MRTFA: variants seen among roughly 807,000 people sequenced by gnomAD.
The protein encoded by MRTFA is myocardin-related transcription factor A.
MRTFA carries 20 observed loss-of-function variants against 83.5 expected under a neutral mutation model. The observed-to-expected ratio is 0.24, with a 90% confidence interval of 0.17 to 0.35. The LOEUF is 0.35. MRTFA is among the 10% of genes least tolerant of loss of function. The probability of loss-of-function intolerance (pLI) is 1.00; values close to 1 mark genes in which losing one functional copy is unlikely to be tolerated. For synonymous variants in MRTFA, 659 were observed against 541.2 expected, an observed-to-expected ratio of 1.22 and a Z score of -3.02; for missense variants, 1,200 against 1,224.7, an observed-to-expected ratio of 0.98 and a Z score of 0.30.
intron 4 of MRTFA, among the ~76,000 whole-genome samples, chr22:40,455,422 G>A (rs1342050547): frequency 2.0e-5 from 3 of 151,778 alleles, no homozygotes; most frequent in Admixed American, 6.6e-5. Flanking sequence ...TGAGGCGGGC[G>A]GATCACGAGG....
intron 7 of MRTFA, 112 bp from the exon 8 acceptor site, chr22:40,424,493 C>G: frequency 8.6e-7 from 1 of 1,160,380 alleles, no homozygotes; most frequent in Non-Finnish European, 1.2e-6. Flanking sequence ...GCCCACATGC[C>G]CCGTGAGGCA....
chr22:40,635,892 T>C (rs542405796), intron 1 of MRTFA, among the ~76,000 whole-genome samples: 4 of 152,156 alleles, frequency 2.6e-5, no homozygotes, highest in Middle Eastern at 3.2e-3. Flanking sequence ...CTAGGCACTA[T>C]GGAGTATCAA....
chr22:40,450,394 C>A (rs1320140322), intron 4 of MRTFA, among the ~76,000 whole-genome samples: 3 of 152,086 alleles, frequency 2.0e-5, no homozygotes, highest in Non-Finnish European at 4.4e-5. Flanking sequence ...ACCACCTGAT[C>A]TCACCAACTA....
chr22:40,514,120 A>G (rs2054715745), intron 3 of MRTFA, among the ~76,000 whole-genome samples: 1 of 151,844 alleles, frequency 6.6e-6, no homozygotes, highest in Non-Finnish European at 1.5e-5. Flanking sequence ...TTAGCCAGAC[A>G]TGGTGGCATG....
chr22:40,619,904 A>G (rs973685134), intron 1 of MRTFA, among the ~76,000 whole-genome samples: 6 of 151,654 alleles, frequency 4.0e-5, no homozygotes, highest in East Asian at 1.9e-4. Context: ...AAAAAAAAAA[A>G]AAAAAGAAAT....
At chr22:40,601,195 T>C (rs1270187394) in intron 1 of MRTFA, among the ~76,000 whole-genome samples, 1 of 152,182 alleles carries the variant, frequency 6.6e-6, no homozygotes, top group Non-Finnish European at 1.5e-5. Flanking sequence ...AAACCCACTT[T>C]ACAATTTTTA....
intron 3 of MRTFA, among the ~76,000 whole-genome samples, chr22:40,484,339 G>A (rs553802731): frequency 7.9e-5 from 12 of 152,196 alleles, no homozygotes; most frequent in African/African-American, 2.4e-4. Context: ...GTGTCTGAGC[G>A]TAAAAGCTAC....
At chr22:40,563,104 C>G (rs1400614263) in intron 2 of MRTFA, among the ~76,000 whole-genome samples, 1 of 152,162 alleles carries the variant, frequency 6.6e-6, no homozygotes, top group Non-Finnish European at 1.5e-5. Context: ...TACAACAGTA[C>G]CGGCCCCTTC....
At chr22:40,624,345 G>A (rs1443098316) in intron 1 of MRTFA, among the ~76,000 whole-genome samples, 1 of 146,568 alleles carries the variant, frequency 6.8e-6, no homozygotes, top group Admixed American at 7.0e-5. Context: ...AGAATCACCT[G>A]AACCCAGGAG....
intron 3 of MRTFA, among the ~76,000 whole-genome samples, chr22:40,511,435 A>T (rs1037860692): frequency 3.9e-5 from 6 of 152,350 alleles, no homozygotes; most frequent in Admixed American, 6.5e-5. Context: ...TTAGTGGATT[A>T]ACTGAATCTA....
At chr22:40,525,795 A>G (rs2054960185) in intron 3 of MRTFA, among the ~76,000 whole-genome samples, 1 of 152,096 alleles carries the variant, frequency 6.6e-6, no homozygotes, top group Non-Finnish European at 1.5e-5. Context: ...CCCATTCAAC[A>G]ATTATTAAGT....
intron 3 of MRTFA, among the ~76,000 whole-genome samples, chr22:40,484,981 A>C (rs1371325318): frequency 6.6e-6 from 1 of 151,974 alleles, no homozygotes; most frequent in Non-Finnish European, 1.5e-5. Context: ...CTGAGGCAGG[A>C]GAATCGCTTG....
Position 40,509,026 on chromosome 22 carries a change from CTTGTAT to C in MRTFA, c.241+43074_241+43079del. Among the ~76,000 whole-genome samples, 10 of 152,200 alleles carry C rather than the reference CTTGTAT, an allele frequency of 6.6e-5. 2 individuals carry two copies. Among genetic ancestry groups the C allele is most frequent in the African/African-American group, 2.4e-4 (10 of 41,526 alleles). ...GTATCTTTTAGAGTGGGCAGGAATG[CTTGTAT>C]TTGTATTTAGTACTGAGTAATTATT... On this transcript the variant is annotated intron_variant, in intron 3 of 14. Transcript: ENST00000355630.
chr22:40,437,562 C>G (rs987487883), intron 4 of MRTFA, among the ~76,000 whole-genome samples: 1 of 152,012 alleles, frequency 6.6e-6, no homozygotes, highest in East Asian at 1.9e-4. Context: ...GAGTTCGAGA[C>G]GAGCCTGGCC....
At chr22:40,617,550 C>A (rs890119084) in intron 1 of MRTFA, among the ~76,000 whole-genome samples, 7 of 151,720 alleles carry the variant, frequency 4.6e-5, no homozygotes, top group Non-Finnish European at 8.8e-5. Context: ...CACGGTGAAA[C>A]CCCGTTTCTA....
At chr22:40,464,709 G>A (rs772053926) in intron 3 of MRTFA, among the ~76,000 whole-genome samples, 3 of 152,018 alleles carry the variant, frequency 2.0e-5, no homozygotes, top group Non-Finnish European at 4.4e-5. Context: ...TTAGGGAGGC[G>A]TCCAAGAATC....
intron 4 of MRTFA, among the ~76,000 whole-genome samples, chr22:40,447,855 TA>T (rs2053411001): frequency 6.6e-6 from 1 of 152,206 alleles, no homozygotes; most frequent in African/African-American, 2.4e-5. Flanking sequence ...CAAATCTTTT[TA>T]TTTACATATA....
Position 40,419,143 on chromosome 22 carries a change from A to AC in MRTFA, c.1594dup (p.Val532GlyfsTer37), listed in dbSNP as rs1336685483. On this transcript the variant is annotated frameshift_variant, in exon 12 of 15. Coordinates refer to ENST00000355630, the MANE Select transcript of MRTFA (RefSeq NM_020831.6). LOFTEE classifies it high-confidence loss of function. ...CCCACTGCTGGCCACCGTGGCCACC[A>AC]CCACCTCAGCTGGAGCCAGGCCTGC... The AC allele has an allele frequency of 3.2e-6, 5 of 1,586,212 alleles. No individual in the cohort carries two copies. The highest frequency in any genetic ancestry group is 4.3e-6 in the Non-Finnish European group (5 of 1,166,308).
intron 3 of MRTFA, among the ~76,000 whole-genome samples, chr22:40,525,574 G>A (rs569342329): frequency 8.5e-5 from 13 of 152,146 alleles, no homozygotes; most frequent in Non-Finnish European, 1.9e-4. Flanking sequence ...GTAAGAAAGG[G>A]AAATTACATT....
Sources: gnomAD v4.1 joint callset for allele counts (sites outside exome capture counted in the v4.1 genomes callset) on GRCh38, gnomAD v4.1.1 for gene constraint, MANE v1.5 for transcripts, NCBI Gene and HGNC (gene_info 2026-07-23, HGNC 2026-07-21) for gene names.